The following CFAP299 variants were observed in gnomAD, a reference collection of about 807,000 sequenced individuals.
CFAP299 encodes the protein cilia and flagella associated protein 299.
CFAP299 carries 21 observed loss-of-function variants against 27.0 expected under a neutral mutation model. The observed-to-expected ratio is 0.78, with a 90% CI of 0.55 to 1.12. CFAP299 has a LOEUF of 1.12. CFAP299 is among the 50% of genes most tolerant of loss of function. CFAP299 has a pLI of 0.00. For missense variants in CFAP299, 310 were observed against 276.6 expected, an observed-to-expected ratio of 1.12 and a Z score of -0.86; for synonymous variants, 104 against 98.1, an observed-to-expected ratio of 1.06 and a Z score of -0.36.
intron 2 of CFAP299, among the ~76,000 whole-genome samples, chr4:80,458,345 A>C (rs943390306): frequency 6.6e-6 from 1 of 152,236 alleles, no homozygotes; most frequent in Non-Finnish European, 1.5e-5. Context: ...GCGCATGCCA[A>C]ATGCCAGCTA....
chr4:80,911,289 A>T (rs1578232488), intron 4 of CFAP299, among the ~76,000 whole-genome samples: 2 of 116,830 alleles, frequency 1.7e-5, no homozygotes, highest in Non-Finnish European at 1.9e-5. Flanking sequence ...ACCCATTTTT[A>T]CCTTTTTTCA....
intron 2 of CFAP299, among the ~76,000 whole-genome samples, chr4:80,433,510 ATTC>A (rs1487307186): frequency 1.3e-5 from 2 of 152,190 alleles, no homozygotes; most frequent in Non-Finnish European, 2.9e-5. Context: ...TGAATATTTT[ATTC>A]TTCAAATAAA....
chr4:80,481,431 C>T (rs1029573483), intron 2 of CFAP299, among the ~76,000 whole-genome samples: 1 of 151,984 alleles, frequency 6.6e-6, no homozygotes, highest in Non-Finnish European at 1.5e-5. Flanking sequence ...AGATGTTGTA[C>T]TCAGCTTAGC....
At chr4:80,741,937 A>G (rs1724298122) in intron 3 of CFAP299, among the ~76,000 whole-genome samples, 1 of 152,152 alleles carries the variant, frequency 6.6e-6, no homozygotes, top group African/African-American at 2.4e-5. Flanking sequence ...GCACTGCCTG[A>G]GCCCAGAACA....
chr4:80,684,456 G>A (rs1488319577), intron 3 of CFAP299, among the ~76,000 whole-genome samples: 2 of 152,086 alleles, frequency 1.3e-5, no homozygotes, highest in Non-Finnish European at 2.9e-5. Flanking sequence ...TAGTAGAGAC[G>A]GGGTTTCACC....
intron 3 of CFAP299, among the ~76,000 whole-genome samples, chr4:80,868,031 T>C (rs1024466079): frequency 1.3e-5 from 2 of 152,218 alleles, no homozygotes; most frequent in East Asian, 3.8e-4. Context: ...TACACACATA[T>C]GTATCAAATT....
chr4:80,849,546 G>A (rs1233723144), intron 3 of CFAP299, among the ~76,000 whole-genome samples: 3 of 152,140 alleles, frequency 2.0e-5, no homozygotes, highest in African/African-American at 4.8e-5. Context: ...AAAACAGACC[G>A]ACTATGAATA....
Position 80,499,306 on chromosome 4 carries a change from C to T in CFAP299, c.243-83787C>T, listed in dbSNP as rs143919820. Among the ~76,000 whole-genome samples, 8 of 152,172 alleles carry T rather than the reference C, an allele frequency of 5.3e-5. No individual in the cohort carries two copies. In the South Asian group the frequency reaches 6.2e-4, roughly 12 times the overall value. On this transcript the variant is annotated intron_variant, in intron 2 of 5. Coordinates refer to ENST00000358105, the MANE Select transcript of CFAP299 (RefSeq NM_152770.3). ...GAAAAATGTCATTCAATCTTTTTCT[C>T]GAACATAATTCTTAATGGTGCTATA...
chr4:80,732,337 C>T (rs929068114), intron 3 of CFAP299, among the ~76,000 whole-genome samples: 1 of 152,100 alleles, frequency 6.6e-6, no homozygotes, highest in African/African-American at 2.4e-5. Flanking sequence ...CATGACTCTT[C>T]TTCCATTACA....
intron 3 of CFAP299, among the ~76,000 whole-genome samples, chr4:80,860,147 T>A (rs1732224927): frequency 6.6e-6 from 1 of 152,208 alleles, no homozygotes; most frequent in Non-Finnish European, 1.5e-5. Flanking sequence ...CCTTCTCGCT[T>A]CATTTCATTC....
intron 3 of CFAP299, among the ~76,000 whole-genome samples, chr4:80,799,822 A>ATATTATATAATATAT (rs1728251506): frequency 4.1e-5 from 1 of 24,410 alleles, no homozygotes; most frequent in African/African-American, 4.8e-4. Flanking sequence ...TATATATATT[A>ATATTATATAATATAT]TATATATTTA....
chr4:80,905,467 AT>A (rs914356075), intron 4 of CFAP299, among the ~76,000 whole-genome samples: 4 of 151,108 alleles, frequency 2.6e-5, no homozygotes, highest in Admixed American at 2.6e-4. Flanking sequence ...GGAAATTGAT[AT>A]TTTTTTTAAA....
chr4:80,405,417 T>C (rs75778850), intron 2 of CFAP299, among the ~76,000 whole-genome samples: 5 of 152,342 alleles, frequency 3.3e-5, no homozygotes, highest in Non-Finnish European at 5.9e-5. Context: ...TTTCTCTTTA[T>C]GAAATGGTAA....
At chr4:80,513,085 T>C (rs893484125) in intron 2 of CFAP299, among the ~76,000 whole-genome samples, 3 of 152,182 alleles carry the variant, frequency 2.0e-5, no homozygotes, top group African/African-American at 7.2e-5. Context: ...TCCCCTGATA[T>C]TAGCAAGACC....
intron 4 of CFAP299, among the ~76,000 whole-genome samples, chr4:80,904,813 G>A (rs187155450): frequency 1.3e-5 from 2 of 152,288 alleles, no homozygotes; most frequent in African/African-American, 4.8e-5. Context: ...ACCTTCCAAT[G>A]TTTGGTCAAA....
At chr4:80,815,006 A>C (rs1156258429) in intron 3 of CFAP299, among the ~76,000 whole-genome samples, 1 of 152,050 alleles carries the variant, frequency 6.6e-6, no homozygotes, top group Non-Finnish European at 1.5e-5. Flanking sequence ...GGCATTTATC[A>C]AGTATGAATA....
chr4:80,757,004 A>C (rs925154986), intron 3 of CFAP299, among the ~76,000 whole-genome samples: 12 of 152,344 alleles, frequency 7.9e-5, no homozygotes, highest in African/African-American at 2.6e-4. Flanking sequence ...TTCCCCAAGA[A>C]TGTGAACACC....
intron 4 of CFAP299, among the ~76,000 whole-genome samples, chr4:80,897,904 T>A (rs936970090): frequency 1.3e-5 from 2 of 152,104 alleles, no homozygotes. Context: ...CAGGGGTGCC[T>A]CAGTTACTCA....
chr4:80,672,339 TC>T (rs1741532786), intron 3 of CFAP299, among the ~76,000 whole-genome samples: 1 of 152,256 alleles, frequency 6.6e-6, no homozygotes, highest in Admixed American at 6.5e-5. Flanking sequence ...CAGCCTTGCA[TC>T]CCAGGGATGA....
Sources: gnomAD v4.1 joint callset for allele counts (sites outside exome capture counted in the v4.1 genomes callset) on GRCh38, gnomAD v4.1.1 for gene constraint, MANE v1.5 for transcripts, NCBI Gene and HGNC (gene_info 2026-07-23, HGNC 2026-07-21) for gene names.